Variants in AACS observed in about 807,000 individuals in gnomAD.
AACS encodes acetoacetyl-CoA synthetase.
Under a neutral mutation model 83.1 loss-of-function variants are expected in AACS, and 69 were observed. The ratio of observed to expected loss-of-function variants is 0.83; its 90% CI spans 0.68 to 1.01. The LOEUF is 1.01. Ranked by LOEUF, AACS falls within the 50% of genes least tolerant of loss-of-function variation. The probability of loss-of-function intolerance (pLI) is 0.00; values close to 1 mark genes in which losing one functional copy is unlikely to be tolerated. For missense variants in AACS, 866 were observed against 882.2 expected (o/e 0.98, Z 0.23); for synonymous variants, 333 against 343.4 (o/e 0.97, Z 0.33).
chr12:125,116,756 C>T (rs1259454917), intron 9 of AACS, among the ~76,000 whole-genome samples: 4 of 152,078 alleles, frequency 2.6e-5, no homozygotes, highest in Non-Finnish European at 4.4e-5. Context: ...TGAGCCACCG[C>T]GCCCGGCCTC....
intron 3 of AACS, among the ~76,000 whole-genome samples, chr12:125,085,331 C>T (rs1233847475): frequency 6.6e-6 from 1 of 152,222 alleles, no homozygotes; most frequent in African/African-American, 2.4e-5. Flanking sequence ...CACACACGTG[C>T]ACATTGCATC....
In AACS at chr12:125,136,703, C is replaced by G. The variant is rs748160942; in HGVS notation, c.1720C>G (p.Gln574Glu). The G allele has an allele frequency of 4.5e-5, 72 of 1,614,116 alleles. No individual in the cohort carries two copies. In the Middle Eastern group the frequency reaches 2.6e-3, roughly 59 times the overall value. Reference sequence around the variant, plus strand: ...GGTGGAGGACAGCCTGTGTGTCCCCCAGTATAACAAGTACAGGGAGGAGAG... The same window carrying G: ...GGTGGAGGACAGCCTGTGTGTCCCCGAGTATAACAAGTACAGGGAGGAGAG... ...EEVEDSLCVP[Q>E]YNKYREERVI... is the part of the protein sequence containing the mutation. The change falls in exon 17 of 18, where the codon CAG becomes GAG. Residue 574 changes from glutamine to glutamate, a missense_variant. Coordinates refer to ENST00000316519, the MANE Select transcript of AACS (RefSeq NM_023928.5).
At position 125,113,465 on chromosome 12, in the gene AACS, C is replaced by T. The variant is rs1040491544; in HGVS notation, c.916-1012C>T. On this transcript the variant is annotated intron_variant, in intron 8 of 17. Transcript: ENST00000316519. This position sits in a 1 kb window ranked among gnomAD's most constrained non-coding sequence, Gnocchi z 4.8. ...AACCGAGGCTGGGAGCGTGGAGTGA[C>T]GGGTGCAGGGGCCACTGGCTCTGCT... 2.0e-5 allele frequency among the ~76,000 whole-genome samples: 3 copies of T among 152,154 alleles called. No homozygotes were observed. Among genetic ancestry groups the T allele is most frequent in the Non-Finnish European group, 2.9e-5 (2 of 68,020 alleles).
At chr12:125,135,287 G>T (rs888515111) in intron 16 of AACS, among the ~76,000 whole-genome samples, 1 of 152,020 alleles carries the variant, frequency 6.6e-6, no homozygotes, top group Non-Finnish European at 1.5e-5. Flanking sequence ...TAGAGATGGG[G>T]TTTCACCGTG....
chr12:125,080,552 C>T (rs576386352), intron 3 of AACS, among the ~76,000 whole-genome samples: 4 of 151,954 alleles, frequency 2.6e-5, no homozygotes, highest in African/African-American at 9.7e-5. Flanking sequence ...CCGGCCCTGT[C>T]TCGAGGGTGG....
chr12:125,104,507 G>A (rs1190033852), intron 7 of AACS, among the ~76,000 whole-genome samples: 8 of 152,230 alleles, frequency 5.3e-5, no homozygotes, highest in Non-Finnish European at 1.2e-4. Context: ...AGGAGTGGGA[G>A]GGACAGGATG....
chr12:125,098,713 G>A (rs2046275), intron 5 of AACS, among the ~76,000 whole-genome samples: 146,810 of 152,330 alleles, frequency 0.96, 70,789 homozygotes, highest in East Asian at 1. Flanking sequence ...TTGGCCTCCC[G>A]GTGTTGGGTG....
chr12:125,129,399 A>C lies in AACS; in HGVS notation c.1488A>C (p.Thr496=). The C allele has an allele frequency of 6.2e-7, 1 of 1,614,062 alleles. No individual in the cohort carries two copies. Among genetic ancestry groups the C allele is most frequent in the Non-Finnish European group, 8.5e-7 (1 of 1,179,996 alleles). ...CTAAGCCGATCCCTTGCCAGCCCAC[A>C]CACTTCTGGAACGATGAGAACGGCA... ...VCTKPIPCQP[T]HFWNDENGNK... is the part of the protein sequence containing the mutation. The change falls in exon 14 of 18, where the codon ACA becomes ACC. Residue 496 remains threonine, a synonymous_variant. Coordinates refer to ENST00000316519, the MANE Select transcript of AACS (RefSeq NM_023928.5). This position sits in a 1 kb window ranked among gnomAD's most constrained non-coding sequence, Gnocchi z 4.3.
At chr12:125,078,442 G>T (rs968755352) in intron 3 of AACS, 15 of 411,044 alleles carry the variant, frequency 3.6e-5, no homozygotes, top group Non-Finnish European at 5.9e-5. Context: ...TAGGTGGTCT[G>T]GGGTCAGGGC....
At chr12:125,125,085 C>A (rs749014862) in intron 12 of AACS, 61 bp downstream of exon 12, 1 of 1,605,654 alleles carries the variant, frequency 6.2e-7, no homozygotes, top group South Asian at 1.1e-5. Flanking sequence ...AGTATGCACA[C>A]CTCTGCCCAG....
intron 9 of AACS, chr12:125,117,995 A>T (rs1471375185): frequency 2.0e-5 from 3 of 151,182 alleles, no homozygotes; most frequent in Non-Finnish European, 4.4e-5. Context: ...GGGGAAAAAA[A>T]AAAAAAGAAG....
chr12:125,078,420 T>G (rs4765025), intron 3 of AACS: 348,081 of 439,570 alleles, frequency 0.79, 138,271 homozygotes, highest in South Asian at 0.84. Flanking sequence ...GACATGGTCA[T>G]GGCAGAGTAG....
intron 9 of AACS, among the ~76,000 whole-genome samples, chr12:125,117,232 A>G (rs985611836): frequency 6.6e-6 from 1 of 152,020 alleles, no homozygotes; most frequent in African/African-American, 2.4e-5. Flanking sequence ...GCCAACATGG[A>G]AAAACCCTGT....
intron 3 of AACS, among the ~76,000 whole-genome samples, chr12:125,079,562 G>GT (rs935821866): frequency 4.0e-5 from 6 of 151,618 alleles, no homozygotes; most frequent in Non-Finnish European, 8.8e-5. Context: ...TTTTTTTTAA[G>GT]TTTTTTTGTA....
At chr12:125,084,114 G>A (rs1181142831) in intron 3 of AACS, among the ~76,000 whole-genome samples, 1 of 151,912 alleles carries the variant, frequency 6.6e-6, no homozygotes, top group African/African-American at 2.4e-5. Context: ...GATCACCTGA[G>A]GTCAGGAGTT....
chr12:125,137,543 G>T (rs758959912), intron 17 of AACS, among the ~76,000 whole-genome samples: 1 of 152,208 alleles, frequency 6.6e-6, no homozygotes, highest in Non-Finnish European at 1.5e-5. Flanking sequence ...TTTAAGTTCT[G>T]CTGGTACAGA....
chr12:125,135,077 C>T, intron 16 of AACS, among the ~76,000 whole-genome samples: 1 of 152,094 alleles, frequency 6.6e-6, no homozygotes, highest in East Asian at 1.9e-4. Flanking sequence ...CATCCTCTTC[C>T]TCATTATAGC....
At chr12:125,073,836 A>G (rs180820164) in intron 1 of AACS, 40 bp from the exon 2 acceptor site, 4 of 1,553,480 alleles carry the variant, frequency 2.6e-6, no homozygotes. Flanking sequence ...GATTGCCAAG[A>G]TTTCCCTTCT....
rs1957462325 is a variant in AACS, at chr12:125,140,261, G to A, written c.1882-1831G>A. The A allele has an allele frequency of 6.6e-6, 1 of 152,092 alleles. No individual in the cohort carries two copies. The highest frequency in any genetic ancestry group is 6.6e-5 in the Admixed American group (1 of 15,264). The allele number at this position is 152,092 out of a possible 1,614,324, so 9.4% of individuals were successfully genotyped here. ...TTGGGGACGCCTCATGCAGGAGCTG[G>A]TGTGGGGGTGGGCAGGGGGGCGGTG... On this transcript the variant is annotated intron_variant, in intron 17 of 17. Transcript: ENST00000316519. This position sits in a 1 kb window ranked among gnomAD's most constrained non-coding sequence, Gnocchi z 5.1.
Sources: gnomAD v4.1 joint callset for allele counts (sites outside exome capture counted in the v4.1 genomes callset) on GRCh38, gnomAD v4.1.1 for gene constraint, Gnocchi (gnomAD v3.1) non-coding constraint, MANE v1.5 for transcripts, NCBI Gene and HGNC (gene_info 2026-07-23, HGNC 2026-07-21) for gene names.